The following NBAS variants were observed in gnomAD, a reference collection of about 807,000 sequenced individuals.
NBAS encodes NBAS subunit of NRZ tethering complex, also known as NAG/BC035112 fusion.
A neutral mutation model predicts 302.5 loss-of-function variants in NBAS; 219 were observed. The ratio of observed to expected loss-of-function variants is 0.72; its 90% CI spans 0.65 to 0.81. NBAS has a LOEUF of 0.81. NBAS is among the 30% of genes least tolerant of loss of function. The pLI is 0.00. For synonymous variants in NBAS, 1,118 were observed against 1,021.6 expected, an observed-to-expected ratio of 1.09 and a Z score of -1.80; for missense variants, 2,932 against 2,841.6, an observed-to-expected ratio of 1.03 and a Z score of -0.72.
chr2:14,980,170 G>C, the NBAS span, among the ~76,000 whole-genome samples: 1 of 152,116 alleles, frequency 6.6e-6, no homozygotes, highest in Non-Finnish European at 1.5e-5. Flanking sequence ...GAGTCAGCCA[G>C]GCAAAAGCAC....
the NBAS span, among the ~76,000 whole-genome samples, chr2:15,089,171 A>AG: frequency 6.6e-6 from 1 of 152,128 alleles, no homozygotes; most frequent in Non-Finnish European, 1.5e-5. Flanking sequence ...TTGTAGAGAT[A>AG]GGGGCTCACC....
chr2:14,977,895 T>TA, the NBAS span, among the ~76,000 whole-genome samples: 9 of 152,076 alleles, frequency 5.9e-5, no homozygotes, highest in Admixed American at 6.6e-5. Context: ...TTCTCTCTGT[T>TA]AAAAAAAGAA....
At chr2:15,320,853 C>G (rs1486962550) in intron 38 of NBAS, among the ~76,000 whole-genome samples, 2 of 152,140 alleles carry the variant, frequency 1.3e-5, no homozygotes, top group Admixed American at 6.5e-5. Context: ...CCATCCCCAT[C>G]AAGCTACCAA....
chr2:15,232,207 C>T (rs982986305), intron 47 of NBAS, among the ~76,000 whole-genome samples: 2 of 152,046 alleles, frequency 1.3e-5, no homozygotes, highest in Non-Finnish European at 2.9e-5. Context: ...TTCAAGGAGG[C>T]AAGAGAAAAC....
the NBAS span, among the ~76,000 whole-genome samples, chr2:14,821,100 G>T: frequency 7.2e-5 from 11 of 151,982 alleles, no homozygotes; most frequent in African/African-American, 2.7e-4. Context: ...CTAATTTGTT[G>T]TATTTTTAGT....
chr2:15,259,146 T>G (rs1274906580), intron 44 of NBAS, among the ~76,000 whole-genome samples: 1 of 152,224 alleles, frequency 6.6e-6, no homozygotes, highest in Admixed American at 6.5e-5. Context: ...TATAGATTTT[T>G]TAAAAAAACC....
the NBAS span, among the ~76,000 whole-genome samples, chr2:15,145,887 G>A: frequency 6.6e-6 from 1 of 152,088 alleles, no homozygotes; most frequent in Non-Finnish European, 1.5e-5. Context: ...GAAGTTGAGA[G>A]CCACCCATCT....
At chr2:15,462,935 G>C (rs1267737587) in intron 19 of NBAS, among the ~76,000 whole-genome samples, 2 of 152,168 alleles carry the variant, frequency 1.3e-5, no homozygotes, top group African/African-American at 4.8e-5. Context: ...AAGGGAAAAA[G>C]AATTTAATGC....
the NBAS span, among the ~76,000 whole-genome samples, chr2:15,128,784 G>A: frequency 4.6e-5 from 7 of 152,284 alleles, no homozygotes; most frequent in East Asian, 3.9e-4. Flanking sequence ...AAAGTTTGGC[G>A]GGGCAACTGG....
the NBAS span, among the ~76,000 whole-genome samples, chr2:14,839,415 G>C: frequency 1.8e-4 from 28 of 151,980 alleles, no homozygotes; most frequent in Non-Finnish European, 3.5e-4. Context: ...GAAGAATCCA[G>C]AGTGACTGAG....
chr2:15,220,484 A>G (rs980534819), intron 47 of NBAS, among the ~76,000 whole-genome samples: 1 of 152,154 alleles, frequency 6.6e-6, no homozygotes, highest in South Asian at 2.1e-4. Flanking sequence ...ATGCCATTAG[A>G]GTATCAAATC....
the NBAS span, among the ~76,000 whole-genome samples, chr2:14,959,496 C>CTT: frequency 1.3e-5 from 2 of 152,340 alleles, no homozygotes; most frequent in Admixed American, 1.3e-4. Context: ...AAGGCTCTCT[C>CTT]TTTCTTACAG....
chr2:15,165,133 T>C (rs1016853252), downstream of NBAS, among the ~76,000 whole-genome samples: 1 of 152,258 alleles, frequency 6.6e-6, no homozygotes, highest in African/African-American at 2.4e-5. Context: ...TATAACAGAC[T>C]GTGTTTCTCA....
At chr2:15,508,439 C>G (rs1661973997) in intron 10 of NBAS, among the ~76,000 whole-genome samples, 1 of 152,178 alleles carries the variant, frequency 6.6e-6, no homozygotes, top group Admixed American at 6.5e-5. Flanking sequence ...CTTGATTACA[C>G]CAAACCAAAA....
intron 33 of NBAS, among the ~76,000 whole-genome samples, chr2:15,355,830 G>A (rs1260964758): frequency 6.6e-6 from 1 of 152,052 alleles, no homozygotes; most frequent in Non-Finnish European, 1.5e-5. Context: ...ACAGCTTGCA[G>A]AACTGTGAGC....
chr2:15,063,109 C>T, the NBAS span, among the ~76,000 whole-genome samples: 7 of 152,192 alleles, frequency 4.6e-5, no homozygotes, highest in African/African-American at 9.7e-5. Context: ...TCATCCTTCT[C>T]GTGGAGTGTG....
chr2:14,940,882 G>A, the NBAS span, among the ~76,000 whole-genome samples: 1 of 152,202 alleles, frequency 6.6e-6, no homozygotes, highest in Non-Finnish European at 1.5e-5. Context: ...ATACCTGCCT[G>A]TAGGCTGCCT....
At chr2:15,150,545 C>A in the NBAS span, among the ~76,000 whole-genome samples, 1 of 152,156 alleles carries the variant, frequency 6.6e-6, no homozygotes, top group African/African-American at 2.4e-5. Flanking sequence ...TTTGGACTCA[C>A]GGAGAGTCTG....
At chr2:14,814,830 G>A in the NBAS span, among the ~76,000 whole-genome samples, 1 of 152,164 alleles carries the variant, frequency 6.6e-6, no homozygotes, top group Non-Finnish European at 1.5e-5. Flanking sequence ...CCCCCAAACT[G>A]CATGTTGAAT....
Sources: allele counts gnomAD v4.1 joint callset (sites outside exome capture counted in the v4.1 genomes callset), GRCh38; gene constraint gnomAD v4.1.1; transcripts MANE v1.5; gene names NCBI Gene and HGNC (gene_info 2026-07-23, HGNC 2026-07-21).